Variants in MAP3K2 observed in about 807,000 individuals in gnomAD.
The protein encoded by MAP3K2 is MAP/ERK kinase kinase 2.
In MAP3K2, 24 loss-of-function variants were observed where a neutral mutation model predicts 80.3. The observed-to-expected ratio is 0.30, with a 90% CI of 0.22 to 0.42. The LOEUF (loss-of-function observed/expected upper bound fraction) is 0.42. Among genes scored for constraint, MAP3K2 ranks in the 10% least tolerant of loss-of-function variants. The pLI is 1.00. For synonymous variants in MAP3K2, 244 were observed against 253.7 expected (o/e 0.96, Z 0.36); for missense variants, 608 against 750.1 (o/e 0.81, Z 2.21).
At chr2:127,326,619 G>C (rs749279377) in intron 8 of MAP3K2, 68 bp downstream of exon 8, 1 of 1,221,854 alleles carries the variant, frequency 8.2e-7, no homozygotes. Flanking sequence ...ACCCAGTTAC[G>C]TGCCAAATCA....
At chr2:127,366,779 C>T (rs745519149) in intron 1 of MAP3K2, among the ~76,000 whole-genome samples, 24 of 150,942 alleles carry the variant, frequency 1.6e-4, no homozygotes, top group Non-Finnish European at 3.0e-4. Flanking sequence ...CCACTCATAA[C>T]ATGAGAATAA....
intron 1 of MAP3K2, among the ~76,000 whole-genome samples, chr2:127,347,961 T>A (rs926245467): frequency 6.6e-6 from 1 of 152,096 alleles, no homozygotes; most frequent in South Asian, 2.1e-4. Flanking sequence ...ACTCCTATTG[T>A]ATATACCCAA....
chr2:127,324,125 T>G, intron 10 of MAP3K2, 49 bp downstream of exon 10: 1 of 1,308,402 alleles, frequency 7.6e-7, no homozygotes, highest in Non-Finnish European at 1.0e-6. Context: ...AGCCAAAACA[T>G]TATCCAATGA....
intron 1 of MAP3K2, among the ~76,000 whole-genome samples, chr2:127,384,532 C>T (rs1036883344): frequency 7.9e-5 from 12 of 152,070 alleles, no homozygotes; most frequent in African/African-American, 2.9e-4. Flanking sequence ...TCATGGATGA[C>T]TTTGAGGGGT....
At chr2:127,350,941 A>G (rs1447796037) in intron 1 of MAP3K2, among the ~76,000 whole-genome samples, 1 of 152,188 alleles carries the variant, frequency 6.6e-6, no homozygotes, top group African/African-American at 2.4e-5. Flanking sequence ...GAAGAATACC[A>G]CATCACCTCT....
Position 127,339,133 on chromosome 2 carries a change from T to A in MAP3K2, c.5-83A>T. 1.2e-6 allele frequency: 1 copy of A among 803,716 alleles called. No individual in the cohort carries two copies. Among genetic ancestry groups the A allele is most frequent in the Non-Finnish European group, 2.0e-6 (1 of 503,754 alleles). The allele number at this position is 803,716 out of a possible 1,614,324, so 49.8% of individuals were successfully genotyped here. ...ATGTATAGACATCAAACACAAAATT[T>A]AAAATAAAATTTGATGTAGAGAATG... On this transcript the variant is annotated intron_variant, in intron 2 of 16. Coordinates refer to ENST00000682094, the MANE Select transcript of MAP3K2 (RefSeq NM_001371910.2). This position sits in a 1 kb window ranked among gnomAD's most constrained non-coding sequence, Gnocchi z 4.2.
At chr2:127,370,661 A>C (rs896080275) in intron 1 of MAP3K2, among the ~76,000 whole-genome samples, 5 of 152,228 alleles carry the variant, frequency 3.3e-5, no homozygotes, top group African/African-American at 1.2e-4. Flanking sequence ...TCCTGGAAGA[A>C]GGTACACTAG....
chr2:127,330,412 C>T lies in MAP3K2; in HGVS notation c.358G>A (p.Val120Ile). The T allele has an allele frequency of 1.3e-6, 2 of 1,593,372 alleles. No homozygotes were observed. The highest frequency in any genetic ancestry group is 1.7e-6 in the Non-Finnish European group (2 of 1,166,282). The change falls in exon 6 of 17, where the codon GTA becomes ATA. Residue 120 changes from valine to isoleucine, a missense_variant. Val to Ile is a conservative substitution (Grantham distance 29, BLOSUM62 3). This residue lies in a region of MAP3K2 where 467 missense variants were observed against 521.9 expected (regional missense o/e 0.89). Coordinates refer to ENST00000682094, the MANE Select transcript of MAP3K2 (RefSeq NM_001371910.2). ...IHMKSLKILL[V>I]INGSTQATNL... ...CATACCTGTGTACTTCCATTTATTACAAGTAATATCTTGAGGCTCTTCATA... is the reference window on the plus strand; with the variant it reads ...CATACCTGTGTACTTCCATTTATTATAAGTAATATCTTGAGGCTCTTCATA...
At chr2:127,361,085 G>T (rs1686879659) in intron 1 of MAP3K2, among the ~76,000 whole-genome samples, 1 of 151,990 alleles carries the variant, frequency 6.6e-6, no homozygotes, top group Non-Finnish European at 1.5e-5. Context: ...AGGCAAAGGT[G>T]GGCAGATCAC....
chr2:127,308,074 T>C (rs1414244224), intron 16 of MAP3K2, among the ~76,000 whole-genome samples: 1 of 152,208 alleles, frequency 6.6e-6, no homozygotes, highest in African/African-American at 2.4e-5. Flanking sequence ...ATTTCTAACC[T>C]GATTTTAAAA....
chr2:127,375,524 C>T (rs1467707447), intron 1 of MAP3K2, among the ~76,000 whole-genome samples: 1 of 151,926 alleles, frequency 6.6e-6, no homozygotes, highest in Non-Finnish European at 1.5e-5. Context: ...ATTATCCTGC[C>T]TCAGCCTCCC....
At chr2:127,373,401 T>A (rs1032800475) in intron 1 of MAP3K2, among the ~76,000 whole-genome samples, 1 of 152,328 alleles carries the variant, frequency 6.6e-6, no homozygotes, top group East Asian at 1.9e-4. Context: ...AAAGCTTAAA[T>A]TAGATACTAG....
intron 1 of MAP3K2, among the ~76,000 whole-genome samples, chr2:127,384,213 G>GAT (rs35560058): frequency 0.14 from 19,832 of 144,306 alleles, 1,417 homozygotes; most frequent in South Asian, 0.18. Flanking sequence ...ATTTTTAATT[G>GAT]ATATATATAT....
At chr2:127,313,204 G>A (rs1007839775) in intron 15 of MAP3K2, among the ~76,000 whole-genome samples, 5 of 152,266 alleles carry the variant, frequency 3.3e-5, no homozygotes, top group Middle Eastern at 6.8e-3. Flanking sequence ...TTCTGGCAAA[G>A]TTTGAAGAAG....
intron 16 of MAP3K2, among the ~76,000 whole-genome samples, chr2:127,308,062 T>G (rs1685737306): frequency 6.6e-6 from 1 of 152,230 alleles, no homozygotes; most frequent in Non-Finnish European, 1.5e-5. Flanking sequence ...TTGTTTTATA[T>G]AATTTCTAAC....
intron 7 of MAP3K2, among the ~76,000 whole-genome samples, chr2:127,327,145 G>A (rs928298759): frequency 6.6e-6 from 1 of 152,122 alleles, no homozygotes; most frequent in African/African-American, 2.4e-5. Flanking sequence ...TTTCTTATGA[G>A]ACAATAACCC....
chr2:127,371,976 T>G (rs1171654400), intron 1 of MAP3K2, among the ~76,000 whole-genome samples: 2 of 152,108 alleles, frequency 1.3e-5, no homozygotes, highest in African/African-American at 4.8e-5. Flanking sequence ...CTCTGTCAGA[T>G]GGAAAGCCCA....
At chr2:127,327,584 T>C (rs1040636813) in intron 7 of MAP3K2, among the ~76,000 whole-genome samples, 9 of 151,156 alleles carry the variant, frequency 6.0e-5, no homozygotes, top group East Asian at 5.8e-4. Context: ...AAAAAAGCTA[T>C]GAAAATTTTG....
intron 15 of MAP3K2, among the ~76,000 whole-genome samples, chr2:127,309,897 A>G (rs1004551505): frequency 4.6e-5 from 7 of 152,098 alleles, no homozygotes; most frequent in African/African-American, 1.7e-4. Flanking sequence ...CTCCACTGTA[A>G]AGTCATTCTC....
Sources: gnomAD v4.1 joint callset for allele counts (sites outside exome capture counted in the v4.1 genomes callset) on GRCh38, gnomAD v4.1.1 for gene constraint, gnomAD v4.1.1 regional missense constraint, Gnocchi (gnomAD v3.1) non-coding constraint, MANE v1.5 for transcripts, NCBI Gene and HGNC (gene_info 2026-07-23, HGNC 2026-07-21) for gene names.